Variants in SNTB2 observed in about 807,000 individuals in gnomAD.
SNTB2 encodes the protein beta-2-syntrophin.
SNTB2 carries 34 observed loss-of-function variants against 46.2 expected under a neutral mutation model. The observed-to-expected ratio is 0.74, with a 90% CI of 0.56 to 0.98. SNTB2 has a LOEUF of 0.98. SNTB2 is among the 50% of genes least tolerant of loss of function. The pLI is 0.00. For synonymous variants in SNTB2, 290 were observed against 312.6 expected (o/e 0.93, Z 0.76); for missense variants, 603 against 731.4 (o/e 0.82, Z 2.02).
At chr16:69,245,979 A>G (rs77495501) in intron 2 of SNTB2, among the ~76,000 whole-genome samples, 164 bp downstream of exon 2, 3,497 of 152,246 alleles carry the variant, frequency 0.023, 134 homozygotes, top group African/African-American at 0.08. Context: ...CTACATATAT[A>G]CATGTATATG....
At chr16:69,261,566 A>G (rs138016184) in intron 3 of SNTB2, among the ~76,000 whole-genome samples, 80 of 152,316 alleles carry the variant, frequency 5.3e-4, no homozygotes, top group East Asian at 1.9e-4. Context: ...GATCATTTCT[A>G]TAAAGCATAA....
At chr16:69,275,093 C>T (rs372842205) in intron 4 of SNTB2, among the ~76,000 whole-genome samples, 1 of 147,740 alleles carries the variant, frequency 6.8e-6, no homozygotes, top group Non-Finnish European at 1.5e-5. Flanking sequence ...TTTTTTCTGA[C>T]GAACTCTCAC....
chr16:69,237,634 GCT>G (rs1964571447), intron 1 of SNTB2, among the ~76,000 whole-genome samples: 2 of 90,772 alleles, frequency 2.2e-5, no homozygotes, highest in East Asian at 2.9e-4. Flanking sequence ...GCAGAGTTTT[GCT>G]CTGTTACCCA....
chr16:69,265,817 T>A (rs2143106091), intron 3 of SNTB2, among the ~76,000 whole-genome samples: 1 of 139,376 alleles, frequency 7.2e-6, no homozygotes, highest in East Asian at 2.1e-4. Flanking sequence ...ACAGGGTGAG[T>A]CTCCGTGCCA....
At chr16:69,269,999 C>T in intron 3 of SNTB2, 144 bp from the exon 4 acceptor site, 1 of 875,788 alleles carries the variant, frequency 1.1e-6, no homozygotes, top group Non-Finnish European at 1.8e-6. Flanking sequence ...CCAGTGTAAA[C>T]TTGGTGAGAT....
At position 69,199,899 on chromosome 16, in the gene SNTB2, G is replaced by A. The variant is rs1964144019; in HGVS notation, c.580+12153G>A. Among the ~76,000 whole-genome samples, 6 of 152,120 alleles carry A rather than the reference G, an allele frequency of 3.9e-5. 1 individual carries two copies. In the South Asian group the frequency reaches 1.2e-3, roughly 32 times the overall value. On this transcript the variant is annotated intron_variant, in intron 1 of 6. Coordinates refer to ENST00000336278, the MANE Select transcript of SNTB2 (RefSeq NM_006750.4). ...AAAAAATGTTTTATTTTAGATCCATGCTATTACTGGGAAGACAGAGACTTT... is the reference window on the plus strand; with the variant it reads ...AAAAAATGTTTTATTTTAGATCCATACTATTACTGGGAAGACAGAGACTTT...
At chr16:69,204,658 A>C (rs1964196250) in intron 1 of SNTB2, among the ~76,000 whole-genome samples, 1 of 152,224 alleles carries the variant, frequency 6.6e-6, no homozygotes, top group South Asian at 2.1e-4. Flanking sequence ...GAAAACTAAA[A>C]CATACTAAGA....
At chr16:69,207,348 G>T (rs879844208) in intron 1 of SNTB2, among the ~76,000 whole-genome samples, 4 of 151,090 alleles carry the variant, frequency 2.6e-5, no homozygotes, top group Non-Finnish European at 2.9e-5. Flanking sequence ...TAGAGATGGC[G>T]TTTCACTATA....
intron 4 of SNTB2, among the ~76,000 whole-genome samples, chr16:69,280,332 A>G (rs1441500038): frequency 6.6e-6 from 1 of 152,208 alleles, no homozygotes; most frequent in Non-Finnish European, 1.5e-5. Context: ...TCTATTCCAC[A>G]AAACCGCCAT....
chr16:69,199,581 G>A (rs981457512), intron 1 of SNTB2, among the ~76,000 whole-genome samples: 40 of 94,252 alleles, frequency 4.2e-4, no homozygotes, highest in African/African-American at 1.7e-3. Flanking sequence ...GGACAACAGA[G>A]TGAAACACTG....
At chr16:69,227,175 T>C (rs908611279) in intron 1 of SNTB2, among the ~76,000 whole-genome samples, 5 of 152,210 alleles carry the variant, frequency 3.3e-5, no homozygotes, top group African/African-American at 1.2e-4. Context: ...TTTCTGAGAA[T>C]TTCACTAGGA....
intron 1 of SNTB2, among the ~76,000 whole-genome samples, chr16:69,242,116 A>G (rs566485445): frequency 2.6e-5 from 4 of 152,026 alleles, no homozygotes; most frequent in Non-Finnish European, 5.9e-5. Context: ...TTCCGTTTAC[A>G]TGTCTTTCAT....
intron 1 of SNTB2, among the ~76,000 whole-genome samples, chr16:69,191,457 A>ACCAGTACTCCCAGGTGG (rs1373662149): frequency 3.5e-5 from 3 of 85,304 alleles, no homozygotes; most frequent in Non-Finnish European, 7.3e-5. Context: ...CCAGCTACTC[A>ACCAGTACTCCCAGGTGG]GAGGCTGAGG....
At chr16:69,273,700 T>C (rs1254133496) in intron 4 of SNTB2, among the ~76,000 whole-genome samples, 16 of 152,188 alleles carry the variant, frequency 1.1e-4, no homozygotes, top group Non-Finnish European at 1.9e-4. Context: ...TGGTGTGTTT[T>C]ATATTTTAAT....
intron 1 of SNTB2, among the ~76,000 whole-genome samples, chr16:69,205,730 G>A (rs117778429): frequency 6.6e-6 from 1 of 151,776 alleles, no homozygotes; most frequent in African/African-American, 2.4e-5. Flanking sequence ...CTCACATATG[G>A]CCCCCTAGTG....
At chr16:69,221,700 A>T (rs1374982005) in intron 1 of SNTB2, among the ~76,000 whole-genome samples, 1 of 152,118 alleles carries the variant, frequency 6.6e-6, no homozygotes, top group Non-Finnish European at 1.5e-5. Flanking sequence ...TGCTTGAACC[A>T]ATGAGGTGGT....
intron 1 of SNTB2, among the ~76,000 whole-genome samples, chr16:69,237,599 C>CT (rs1197300500): frequency 1.8e-5 from 2 of 110,310 alleles, no homozygotes; most frequent in African/African-American, 4.0e-5. Flanking sequence ...TTCTTTCTTT[C>CT]TTTCTTTTTT....
intron 1 of SNTB2, among the ~76,000 whole-genome samples, chr16:69,191,702 G>T (rs1448015964): frequency 2.6e-5 from 4 of 151,814 alleles, no homozygotes; most frequent in African/African-American, 9.7e-5. Flanking sequence ...GTGCAGTGGT[G>T]CGATCTCAGC....
intron 1 of SNTB2, among the ~76,000 whole-genome samples, chr16:69,221,173 A>G (rs1265173875): frequency 6.6e-6 from 1 of 152,254 alleles, no homozygotes; most frequent in Non-Finnish European, 1.5e-5. Context: ...ATTCAAAACT[A>G]AAAGTAAACT....
Sources: gnomAD v4.1 joint callset for allele counts (sites outside exome capture counted in the v4.1 genomes callset) on GRCh38, gnomAD v4.1.1 for gene constraint, MANE v1.5 for transcripts, NCBI Gene and HGNC (gene_info 2026-07-23, HGNC 2026-07-21) for gene names.